The following CACNB2 variants were observed in gnomAD, a reference collection of about 807,000 sequenced individuals.
The protein encoded by CACNB2 is calcium voltage-gated channel auxiliary subunit beta 2.
CACNB2 carries 42 observed loss-of-function variants against 73.3 expected under a neutral mutation model. That is an observed-to-expected ratio of 0.57 (90% CI 0.45 to 0.74). CACNB2 has a LOEUF of 0.74. Among genes scored for constraint, CACNB2 ranks in the 30% least tolerant of loss-of-function variants. The pLI is 0.00. For synonymous variants in CACNB2, 348 were observed against 310.3 expected (o/e 1.12, Z -1.28); for missense variants, 940 against 853.0 (o/e 1.10, Z -1.27).
intron 2 of CACNB2, among the ~76,000 whole-genome samples, chr10:18,169,127 CT>C (rs145470512): frequency 0.015 from 2,300 of 152,110 alleles, 55 homozygotes; most frequent in African/African-American, 0.052. Context: ...CATGATCATA[CT>C]GTTGCATTGG....
At chr10:18,314,733 AAAAATATT>A in intron 2 of CACNB2, among the ~76,000 whole-genome samples, 1 of 152,220 alleles carries the variant, frequency 6.6e-6, no homozygotes, top group African/African-American at 2.4e-5. Flanking sequence ...CAAATACAGC[AAAAATATT>A]ACAGAATAAA....
intron 2 of CACNB2, among the ~76,000 whole-genome samples, chr10:18,195,511 C>A (rs1039291781): frequency 3.9e-5 from 6 of 152,268 alleles, no homozygotes; most frequent in African/African-American, 1.4e-4. Flanking sequence ...CAGATTGTGT[C>A]TCAGCTTTTG....
At chr10:18,450,915 G>T (rs1463376979) in intron 3 of CACNB2, among the ~76,000 whole-genome samples, 1 of 152,146 alleles carries the variant, frequency 6.6e-6, no homozygotes, top group African/African-American at 2.4e-5. Flanking sequence ...GGGATTACAG[G>T]CATGAGCCAC....
intron 2 of CACNB2, among the ~76,000 whole-genome samples, chr10:18,395,622 C>A (rs1020440259): frequency 2.0e-5 from 3 of 152,084 alleles, no homozygotes; most frequent in Admixed American, 2.0e-4. Flanking sequence ...TTAATCTCTT[C>A]ATTAGTACAT....
At chr10:18,358,542 C>G (rs1451587130) in intron 2 of CACNB2, among the ~76,000 whole-genome samples, 1 of 30,030 alleles carries the variant, frequency 3.3e-5, no homozygotes, top group African/African-American at 1.1e-4. Flanking sequence ...CTCTCTCTCT[C>G]TCTCTCTCTC....
At chr10:18,203,157 G>A (rs370729176) in intron 2 of CACNB2, among the ~76,000 whole-genome samples, 12 of 152,192 alleles carry the variant, frequency 7.9e-5, no homozygotes, top group African/African-American at 2.9e-4. Context: ...AATTCTTAGT[G>A]AAAATTTTGT....
At chr10:18,222,509 T>C (rs1454266998) in intron 2 of CACNB2, among the ~76,000 whole-genome samples, 1 of 152,234 alleles carries the variant, frequency 6.6e-6, no homozygotes, top group Non-Finnish European at 1.5e-5. Flanking sequence ...TTTTTGTTTG[T>C]TTGTTTGCTT....
chr10:18,435,385 G>A (rs147933365), intron 3 of CACNB2, among the ~76,000 whole-genome samples: 6 of 152,226 alleles, frequency 3.9e-5, no homozygotes, highest in African/African-American at 1.2e-4. Context: ...TCTGAGAGTA[G>A]GGTCTTCACT....
At chr10:18,411,286 G>A (rs977562769) in intron 3 of CACNB2, among the ~76,000 whole-genome samples, 6 of 152,084 alleles carry the variant, frequency 3.9e-5, no homozygotes, top group African/African-American at 7.2e-5. Flanking sequence ...GCAGAAGCCC[G>A]CTGGACCTCT....
intron 3 of CACNB2, among the ~76,000 whole-genome samples, chr10:18,459,729 G>A (rs1009173144): frequency 7.2e-5 from 11 of 152,140 alleles, no homozygotes; most frequent in Admixed American, 3.9e-4. Flanking sequence ...AATGCTGGCC[G>A]GGCGCAGTGG....
intron 2 of CACNB2, among the ~76,000 whole-genome samples, chr10:18,266,305 A>C (rs970516078): frequency 6.6e-6 from 1 of 152,218 alleles, no homozygotes; most frequent in African/African-American, 2.4e-5. Flanking sequence ...ACTGAGATTC[A>C]AGCTGAAATT....
At chr10:18,272,330 A>C (rs1405115233) in intron 2 of CACNB2, among the ~76,000 whole-genome samples, 1 of 152,170 alleles carries the variant, frequency 6.6e-6, no homozygotes, top group Non-Finnish European at 1.5e-5. Context: ...AAAAGAATCT[A>C]CTTGGAAGAT....
chr10:18,495,461 C>G lies in CACNB2; in HGVS notation c.334-2894C>G, dbSNP rs544649856. Among the ~76,000 whole-genome samples the G allele has an allele frequency of 2.8e-4, 43 of 152,202 alleles. 1 individual carries two copies. In the South Asian group the frequency reaches 7.5e-3, roughly 26 times the overall value. ...CTAGAACTCCCAATCTCAGGTGATC[C>G]TCCCACCTTGGCCTCCCAAAGTGCT... On this transcript the variant is annotated intron_variant, in intron 3 of 13. Transcript: ENST00000324631.
chr10:18,267,435 A>G (rs1048319410), intron 2 of CACNB2, among the ~76,000 whole-genome samples: 1 of 152,036 alleles, frequency 6.6e-6, no homozygotes, highest in Non-Finnish European at 1.5e-5. Flanking sequence ...GTGAAACCCC[A>G]TCTCTACTAA....
intron 2 of CACNB2, among the ~76,000 whole-genome samples, chr10:18,323,766 A>C (rs898078943): frequency 6.6e-6 from 1 of 152,240 alleles, no homozygotes; most frequent in Non-Finnish European, 1.5e-5. Flanking sequence ...AACAGAAAGC[A>C]AAAAGTTGGA....
chr10:18,153,784 G>A (rs539955238), intron 2 of CACNB2, among the ~76,000 whole-genome samples: 5 of 149,264 alleles, frequency 3.3e-5, no homozygotes, highest in Non-Finnish European at 7.4e-5. Flanking sequence ...GTTTCACCAT[G>A]TTGGCGAGGC....
At chr10:18,279,524 C>A (rs747178499) in intron 2 of CACNB2, among the ~76,000 whole-genome samples, 7 of 152,132 alleles carry the variant, frequency 4.6e-5, no homozygotes, top group Non-Finnish European at 1.0e-4. Flanking sequence ...ATCATTTTAG[C>A]AGCATTTTCT....
chr10:18,431,082 A>T (rs1266249594), intron 3 of CACNB2, among the ~76,000 whole-genome samples: 1 of 152,128 alleles, frequency 6.6e-6, no homozygotes, highest in Non-Finnish European at 1.5e-5. Flanking sequence ...TCCTGGGTTC[A>T]AGCAATCCTC....
chr10:18,315,270 GT>G (rs2040118887), intron 2 of CACNB2, among the ~76,000 whole-genome samples: 1 of 151,880 alleles, frequency 6.6e-6, no homozygotes. Flanking sequence ...GGAGGTGGAG[GT>G]TGCAGTGAGC....
Sources: gnomAD v4.1 joint callset for allele counts (sites outside exome capture counted in the v4.1 genomes callset) on GRCh38, gnomAD v4.1.1 for gene constraint, MANE v1.5 for transcripts, NCBI Gene and HGNC (gene_info 2026-07-23, HGNC 2026-07-21) for gene names.